Variants in FDX1 observed in about 807,000 individuals in gnomAD.
FDX1 encodes the protein ferredoxin 1.
A neutral mutation model predicts 14.9 loss-of-function variants in FDX1; 9 were observed. That is an observed-to-expected ratio of 0.60 (90% CI 0.36 to 1.05). The LOEUF is 1.05. FDX1 is among the 50% of genes least tolerant of loss of function. The pLI is 0.01. For synonymous variants in FDX1, 92 were observed against 99.4 expected (o/e 0.93, Z 0.44); for missense variants, 204 against 237.2 (o/e 0.86, Z 0.92).
At chr11:110,459,758 T>C (rs1946545129) in intron 3 of FDX1, among the ~76,000 whole-genome samples, 1 of 152,228 alleles carries the variant, frequency 6.6e-6, no homozygotes, top group Admixed American at 6.5e-5. Context: ...TCTCCTTCTC[T>C]AGAAGTATGA....
chr11:110,435,997 T>C, intron 2 of FDX1, 39 bp downstream of exon 2: 1 of 1,561,456 alleles, frequency 6.4e-7, no homozygotes, highest in Non-Finnish European at 8.7e-7. Context: ...TAAGTGAAAC[T>C]GTTAGGTTTC....
At chr11:110,450,397 A>G (rs1168870019) in intron 2 of FDX1, among the ~76,000 whole-genome samples, 2 of 151,972 alleles carry the variant, frequency 1.3e-5, no homozygotes, top group Non-Finnish European at 2.9e-5. Flanking sequence ...TTCTCATCCT[A>G]TGAGAATCTA....
In FDX1 at chr11:110,430,023, G is replaced by T; in HGVS notation, c.-98G>T. ...CCCCGCGCCCCTCGCCGCGGCCCTC[G>T]GGCGTCTGCGCCGCAGCTGCCGCCC... On this transcript the variant is annotated 5_prime_UTR_variant, in exon 1 of 4. Coordinates refer to ENST00000260270, the MANE Select transcript of FDX1 (RefSeq NM_004109.5). 2.3e-6 allele frequency: 2 copies of T among 885,986 alleles called. No homozygotes were observed. Among genetic ancestry groups the T allele is most frequent in the Non-Finnish European group, 2.9e-6 (2 of 683,804 alleles). The allele number at this position is 885,986 out of a possible 1,614,324, so 54.9% of individuals were successfully genotyped here. A position where few individuals can be genotyped will look rare whatever the true frequency, so the allele number is the denominator to read the frequency against.
intron 2 of FDX1, among the ~76,000 whole-genome samples, chr11:110,449,322 G>A (rs1946471656): frequency 6.6e-6 from 1 of 152,136 alleles, no homozygotes; most frequent in Non-Finnish European, 1.5e-5. Context: ...TAGCACCAGG[G>A]GCTAATATCA....
chr11:110,430,351 C>T, intron 1 of FDX1, 46 bp downstream of exon 1: 1 of 1,143,994 alleles, frequency 8.7e-7, no homozygotes, highest in Non-Finnish European at 1.1e-6. Flanking sequence ...CCGGGGTCCC[C>T]GGTGGGTGGC....
At chr11:110,445,122 TA>T (rs777263090) in intron 2 of FDX1, among the ~76,000 whole-genome samples, 1 of 152,166 alleles carries the variant, frequency 6.6e-6, no homozygotes, top group Admixed American at 6.5e-5. Context: ...TGTTTATTTT[TA>T]TAGGTTAGCA....
chr11:110,430,126 T>C lies in FDX1; in HGVS notation c.6T>C (p.Ala2=). 8.1e-7 allele frequency: 1 copy of C among 1,237,822 alleles called. No homozygotes were observed. The highest frequency in any genetic ancestry group is 1.0e-6 in the Non-Finnish European group (1 of 993,468). The allele number at this position is 1,237,822 out of a possible 1,614,324, so 76.7% of individuals were successfully genotyped here. The change falls in exon 1 of 4, where the codon GCT becomes GCC. Residue 2 remains alanine, a synonymous_variant. Transcript: ENST00000260270. M[A]AAGGARLLRA... ...GCAGTTCCCGACCGCGGGCGATGGC[T>C]GCCGCTGGGGGCGCCCGGCTGCTGC...
chr11:110,438,468 C>T (rs940099111), intron 2 of FDX1, among the ~76,000 whole-genome samples: 1 of 152,076 alleles, frequency 6.6e-6, no homozygotes, highest in Non-Finnish European at 1.5e-5. Flanking sequence ...CACTGTCACC[C>T]AGGCTGGAGT....
chr11:110,436,060 T>G, intron 2 of FDX1, 102 bp downstream of exon 2: 12 of 920,350 alleles, frequency 1.3e-5, no homozygotes, highest in Non-Finnish European at 1.9e-5. Context: ...TATAGCATGC[T>G]ATGTAAAATA....
intron 1 of FDX1, 109 bp downstream of exon 1, chr11:110,430,414 C>A: frequency 1.3e-6 from 1 of 748,446 alleles, no homozygotes; most frequent in Non-Finnish European, 1.8e-6. Flanking sequence ...CGCGCCGGGC[C>A]CACACCCCGG....
intron 1 of FDX1, among the ~76,000 whole-genome samples, chr11:110,434,761 TG>T (rs1367831943): frequency 7.1e-6 from 1 of 140,508 alleles, no homozygotes; most frequent in African/African-American, 2.7e-5. Flanking sequence ...GACAGGGCCT[TG>T]AGCTGTTGCC....
chr11:110,443,504 G>A (rs7122739), intron 2 of FDX1, among the ~76,000 whole-genome samples: 3,477 of 146,418 alleles, frequency 0.024, 144 homozygotes, highest in African/African-American at 0.08. Flanking sequence ...GCAATGGCAC[G>A]ATCTCGGCTC....
At chr11:110,452,871 GAA>G (rs1010104080) in intron 2 of FDX1, among the ~76,000 whole-genome samples, 1 of 152,154 alleles carries the variant, frequency 6.6e-6, no homozygotes, top group African/African-American at 2.4e-5. Context: ...GAACATTCTG[GAA>G]AAGACTAAAC....
In FDX1 at chr11:110,462,535, A is replaced by G; in HGVS notation, c.*67A>G. The G allele has an allele frequency of 1.1e-6, 1 of 895,802 alleles. No individual in the cohort carries two copies. The highest frequency in any genetic ancestry group is 2.1e-5 in the Admixed American group (1 of 47,198). 55.5% of individuals were successfully genotyped at this position (895,802 alleles called of 1,614,324 possible). A position where few individuals can be genotyped will look rare whatever the true frequency, so the allele number is the denominator to read the frequency against. ...TTTATAATTATTATTTCTTAAAGTG[A>G]TTAAATGAGAACATGGATGAGTGGA... On this transcript the variant is annotated 3_prime_UTR_variant, in exon 4 of 4. Coordinates refer to ENST00000260270, the MANE Select transcript of FDX1 (RefSeq NM_004109.5).
chr11:110,449,880 G>A (rs1317897739), intron 2 of FDX1, among the ~76,000 whole-genome samples: 3 of 152,048 alleles, frequency 2.0e-5, no homozygotes, highest in East Asian at 1.9e-4. Context: ...TGCCTGCCTC[G>A]GCCTCCCAAA....
chr11:110,434,725 G>GTT (rs56907322), intron 1 of FDX1, among the ~76,000 whole-genome samples: 10,767 of 104,236 alleles, frequency 0.1, 776 homozygotes, highest in East Asian at 0.16. Flanking sequence ...GACTTTTTTT[G>GTT]TTTTTTTTTT....
intron 3 of FDX1, among the ~76,000 whole-genome samples, chr11:110,458,895 G>A (rs946956936): frequency 2.0e-5 from 3 of 152,132 alleles, no homozygotes; most frequent in Admixed American, 6.5e-5. Flanking sequence ...GTGAGCCACC[G>A]TGCCTGGCTT....
rs1231331469 is a variant in FDX1 at position 110,444,684 on chromosome 11, ACACG to A, written c.310+8727_310+8730del. ...TATATACGTATATATATATATATAT[ACACG>A]TATATATATATATATACGTATATAT... On this transcript the variant is annotated intron_variant, in intron 2 of 3. Coordinates refer to ENST00000260270, the MANE Select transcript of FDX1 (RefSeq NM_004109.5). Among the ~76,000 whole-genome samples the A allele has an allele frequency of 2.0e-3, 100 of 49,526 alleles. 9 individuals are homozygous for A. The highest frequency in any genetic ancestry group is 7.4e-3 in the Middle Eastern group (1 of 136). The allele number at this position is 49,526 out of a possible 152,430, so 32.5% of individuals were successfully genotyped here.
intron 3 of FDX1, among the ~76,000 whole-genome samples, chr11:110,458,442 A>G (rs1946536351): frequency 6.6e-6 from 1 of 152,332 alleles, no homozygotes; most frequent in East Asian, 1.9e-4. Flanking sequence ...ACACATTGAC[A>G]TATTTGGAAT....
Sources: gnomAD v4.1 joint callset for allele counts (sites outside exome capture counted in the v4.1 genomes callset) on GRCh38, gnomAD v4.1.1 for gene constraint, MANE v1.5 for transcripts, NCBI Gene and HGNC (gene_info 2026-07-23, HGNC 2026-07-21) for gene names.